Variants in FOSB observed in about 807,000 individuals in gnomAD.
FOSB encodes the protein protein FosB.
Under a neutral mutation model 31.1 loss-of-function variants are expected in FOSB, and 8 were observed. That is an observed-to-expected ratio of 0.26 (90% CI 0.15 to 0.46). FOSB has a LOEUF of 0.46. FOSB is among the 20% of genes least tolerant of loss of function. The pLI is 0.99. For missense variants in FOSB, 376 were observed against 460.6 expected, an observed-to-expected ratio of 0.82 and a Z score of 1.68; for synonymous variants, 214 against 206.1, an observed-to-expected ratio of 1.04 and a Z score of -0.33.
In FOSB at chr19:45,468,721, T is replaced by C; in HGVS notation, c.126+9T>C. On this transcript the variant is annotated intron_variant, in intron 1 of 3. Coordinates refer to ENST00000353609, the MANE Select transcript of FOSB (RefSeq NM_006732.3). This position sits in a 1 kb window ranked among gnomAD's most constrained non-coding sequence, Gnocchi z 4.8. ...CCGCCGCCGCCTCCCAGGTAAGTTT[T>C]TGATAGTAGGGGTGCTGCTTTGTAG... 1.2e-6 allele frequency: 2 copies of C among 1,601,226 alleles called. No homozygotes were observed. The highest frequency in any genetic ancestry group is 1.7e-6 in the Non-Finnish European group (2 of 1,176,312).
In FOSB at chr19:45,468,776, A is replaced by G; in HGVS notation, c.126+64A>G. 6.7e-7 allele frequency: 1 copy of G among 1,503,056 alleles called. No individual in the cohort carries two copies. Among genetic ancestry groups the G allele is most frequent in the South Asian group, 1.3e-5 (1 of 77,062 alleles). The allele number at this position is 1,503,056 out of a possible 1,614,324, so 93.1% of individuals were successfully genotyped here. A position where few individuals can be genotyped will look rare whatever the true frequency, so the allele number is the denominator to read the frequency against. On this transcript the variant is annotated intron_variant, in intron 1 of 3. Coordinates refer to ENST00000353609, the MANE Select transcript of FOSB (RefSeq NM_006732.3). This position sits in a 1 kb window ranked among gnomAD's most constrained non-coding sequence, Gnocchi z 4.8. ...TATTTTTTAAGTCAAGGGTGAAAAG[A>G]ATAAACCCCAACCCCCACAAAAAGG...
In FOSB at chr19:45,468,790, C is replaced by G; in HGVS notation, c.126+78C>G. 4 of 1,433,968 alleles carry G rather than the reference C, an allele frequency of 2.8e-6. No homozygotes were observed. The highest frequency in any genetic ancestry group is 3.7e-6 in the Non-Finnish European group (4 of 1,079,572). 88.8% of individuals were successfully genotyped at this position (1,433,968 alleles called of 1,614,324 possible). On this transcript the variant is annotated intron_variant, in intron 1 of 3. Transcript: ENST00000353609. The surrounding 1 kb of genome is among the most constrained non-coding windows in gnomAD (Gnocchi z 4.8). ...AGGGTGAAAAGAATAAACCCCAACC[C>G]CCACAAAAAGGCGCATCAGAACCCT...
chr19:45,470,793 C>T lies in FOSB; in HGVS notation c.291C>T (p.Tyr97=), dbSNP rs141764521. ...CCCAGCCCCCGGTCGTCGACCCCTACGACATGCCGGGAACCAGCTACTCCA... is the reference window on the plus strand; with the variant it reads ...CCCAGCCCCCGGTCGTCGACCCCTATGACATGCCGGGAACCAGCTACTCCA... The part of the protein sequence containing the change: ...LASQPPVVDP[Y]DMPGTSYSTP... The change falls in exon 2 of 4, where the codon TAC becomes TAT. Residue 97 remains tyrosine (Y), a synonymous_variant. Coordinates refer to ENST00000353609, the MANE Select transcript of FOSB (RefSeq NM_006732.3). 1.2e-6 allele frequency: 2 copies of T among 1,614,040 alleles called. No homozygotes were observed. Among genetic ancestry groups the T allele is most frequent in the Non-Finnish European group, 1.7e-6 (2 of 1,180,026 alleles).
Position 45,468,555 on chromosome 19 carries a change from G to A in FOSB, c.-32G>A. The A allele has an allele frequency of 6.3e-7, 1 of 1,584,260 alleles. No homozygotes were observed. The highest frequency in any genetic ancestry group is 8.6e-7 in the Non-Finnish European group (1 of 1,168,932). ...GCCTTGGCTTCCCGGCGACCTCAGCGTGGTCACAGGGGCCCCCCTGTGCCC... is the reference window on the plus strand; with the variant it reads ...GCCTTGGCTTCCCGGCGACCTCAGCATGGTCACAGGGGCCCCCCTGTGCCC... On this transcript the variant is annotated 5_prime_UTR_variant, in exon 1 of 4. The change creates a new upstream start codon in the 5' untranslated region. Transcript: ENST00000353609. This position sits in a 1 kb window ranked among gnomAD's most constrained non-coding sequence, Gnocchi z 4.8.
chr19:45,470,796 C>T lies in FOSB; in HGVS notation c.294C>T (p.Asp98=). The change falls in exon 2 of 4, where the codon GAC becomes GAT. Residue 98 remains aspartate (D), a synonymous_variant. Transcript: ENST00000353609. ...AGCCCCCGGTCGTCGACCCCTACGA[C>T]ATGCCGGGAACCAGCTACTCCACAC... ...ASQPPVVDPY[D]MPGTSYSTPG... The T allele has an allele frequency of 6.2e-7, 1 of 1,614,094 alleles. No individual in the cohort carries two copies. The highest frequency in any genetic ancestry group is 1.1e-5 in the South Asian group (1 of 91,080).
chr19:45,468,125 T>C lies in FOSB; in HGVS notation c.-462T>C, dbSNP rs1967485388. The C allele has an allele frequency of 6.5e-6, 1 of 153,360 alleles. No individual in the cohort carries two copies. The highest frequency in any genetic ancestry group is 2.4e-5 in the African/African-American group (1 of 41,452). The allele number at this position is 153,360 out of a possible 1,614,324, so 9.5% of individuals were successfully genotyped here. ...TTTTTTTTTCCGGGGAGAAAGTTTTTGGAAAGATTCTTCCAGATATTTCTT... is the reference window on the plus strand; with the variant it reads ...TTTTTTTTTCCGGGGAGAAAGTTTTCGGAAAGATTCTTCCAGATATTTCTT... On this transcript the variant is annotated 5_prime_UTR_variant, in exon 1 of 4. Coordinates refer to ENST00000353609, the MANE Select transcript of FOSB (RefSeq NM_006732.3). This position sits in a 1 kb window ranked among gnomAD's most constrained non-coding sequence, Gnocchi z 4.8.
In FOSB at chr19:45,471,278, G is replaced by C. The variant is rs961501873; in HGVS notation, c.532G>C (p.Glu178Gln). 5.8e-6 allele frequency: 9 copies of C among 1,564,900 alleles called. No homozygotes were observed. The highest frequency in any genetic ancestry group is 7.8e-6 in the Non-Finnish European group (9 of 1,154,354). The change falls in exon 3 of 4, where the codon GAG (glutamate) becomes CAG (glutamine). Residue 178 changes from glutamate to glutamine, a missense_variant. Around this residue, in one of 3 missense-constraint regions of FOSB, gnomAD observed 35 missense variants for 83.5 expected, o/e 0.42. Transcript: ENST00000353609. ...AGCTAAATGCAGGAACCGGCGGAGG[G>C]AGCTGACCGACCGACTCCAGGCGGT... ...AAAKCRNRRR[E>Q]LTDRLQAETD... is the part of the protein sequence containing the mutation.
At chr19:45,470,998 G>A (rs1967636050) in intron 2 of FOSB, 49 bp downstream of exon 2, 1 of 1,582,458 alleles carries the variant, frequency 6.3e-7, no homozygotes. Context: ...AAGCAAGAGA[G>A]GCAGGAAGTT....
At position 45,473,846 on chromosome 19, in the gene FOSB, T is replaced by C. The variant is rs1291165774; in HGVS notation, c.*834T>C. 1.3e-5 allele frequency: 2 copies of C among 152,706 alleles called. No homozygotes were observed. Among genetic ancestry groups the C allele is most frequent in the Non-Finnish European group, 2.9e-5 (2 of 68,182 alleles). The allele number at this position is 152,706 out of a possible 1,614,324, so 9.5% of individuals were successfully genotyped here. A position where few individuals can be genotyped will look rare whatever the true frequency, so the allele number is the denominator to read the frequency against. ...GGCCTTCCTCGTTGGGCCGCTCTGA[T>C]TTCAGGCAGCAGGGGCTGCTGTGAT... On this transcript the variant is annotated 3_prime_UTR_variant, in exon 4 of 4. Transcript: ENST00000353609.
In FOSB at chr19:45,473,131, C is replaced by T. The variant is rs569151414; in HGVS notation, c.*119C>T. 5 of 888,338 alleles carry T rather than the reference C, an allele frequency of 5.6e-6. No individual in the cohort carries two copies. In the South Asian group the frequency reaches 6.3e-5, roughly 11 times the overall value. 55.0% of individuals were successfully genotyped at this position (888,338 alleles called of 1,614,324 possible). ...CAAAGTGGGTGTGTGGCCTCCCTGG[C>T]TCCTCCGTCTGACCCTCTGCGGCCA... On this transcript the variant is annotated 3_prime_UTR_variant, in exon 4 of 4. Coordinates refer to ENST00000353609, the MANE Select transcript of FOSB (RefSeq NM_006732.3).
At position 45,472,783 on chromosome 19, in the gene FOSB, C is replaced by T. The variant is rs778997217; in HGVS notation, c.788C>T (p.Pro263Leu). 1 of 1,614,168 alleles carries T rather than the reference C, an allele frequency of 6.2e-7. No individual in the cohort carries two copies. Among genetic ancestry groups the T allele is most frequent in the South Asian group, 1.1e-5 (1 of 91,092 alleles). ...CTGCTGCCGCCCCCGCCACCACCGCCCCTGCCCTTCCAGACCAGCCAAGAC... is the reference window on the plus strand; with the variant it reads ...CTGCTGCCGCCCCCGCCACCACCGCTCCTGCCCTTCCAGACCAGCCAAGAC... ...SWLLPPPPPP[P>L]LPFQTSQDAP... is the part of the protein sequence containing the mutation. Residue 263 changes from proline to leucine, a missense_variant, in exon 4 of 4, where the codon CCC becomes CTC. Pro to Leu is a moderately conservative substitution (Grantham distance 98). Transcript: ENST00000353609. This position sits in a 1 kb window ranked among gnomAD's most constrained non-coding sequence, Gnocchi z 5.4.
chr19:45,471,559 A>G lies in FOSB; in HGVS notation c.555+258A>G, dbSNP rs1599890170. 3 of 340,026 alleles carry G rather than the reference A, an allele frequency of 8.8e-6. No individual in the cohort carries two copies. The East Asian group carries it at 1.4e-4, about 16-fold the overall frequency. 21.1% of individuals were successfully genotyped at this position (340,026 alleles called of 1,614,324 possible). On this transcript the variant is annotated intron_variant, in intron 3 of 3. Transcript: ENST00000353609. ...AGCCTTCATTTCATCCCAAGGGGCC[A>G]CATGGGGCCCTTGAGGAGAGGGGCG...
intron 2 of FOSB, 105 bp downstream of exon 2, chr19:45,471,054 A>G: frequency 1.5e-6 from 2 of 1,368,386 alleles, no homozygotes; most frequent in Non-Finnish European, 2.0e-6. Flanking sequence ...GTGTTACAGA[A>G]ACCCCAAGAT....
rs1967618513 is a variant in FOSB at position 45,470,657 on chromosome 19, G to C, written c.155G>C (p.Gly52Ala). 3 of 1,611,542 alleles carry C rather than the reference G, an allele frequency of 1.9e-6. No homozygotes were observed. The African/African-American group carries it at 4.0e-5, about 21-fold the overall frequency. ...QECAGLGEMPGSFVPTVTAIT... is the reference protein window; with the variant it reads ...QECAGLGEMPASFVPTVTAIT... ...TGCGCCGGTCTCGGGGAAATGCCCG[G>C]TTCCTTCGTGCCCACGGTCACCGCG... is the stretch of plus-strand genomic sequence containing the variant. Residue 52 changes from glycine (G) to alanine (A), a missense_variant, in exon 2 of 4, where the codon GGT (glycine) becomes GCT (alanine). This residue lies in a region of FOSB where 193 missense variants were observed against 207.1 expected (regional missense o/e 0.93). Coordinates refer to ENST00000353609, the MANE Select transcript of FOSB (RefSeq NM_006732.3).
chr19:45,469,299 C>T (rs2122139200), intron 1 of FOSB, among the ~76,000 whole-genome samples: 1 of 152,362 alleles, frequency 6.6e-6, no homozygotes, highest in African/African-American at 2.4e-5. Context: ...CGCGGCGCCC[C>T]CTTCGTCCGC....
At chr19:45,469,979 T>G (rs1331269296) in intron 1 of FOSB, 2 of 152,378 alleles carry the variant, frequency 1.3e-5, no homozygotes, top group African/African-American at 2.4e-5. Flanking sequence ...CCATTCCCCC[T>G]CCGCGACAAT....
rs1213711052 is a variant in FOSB at position 45,468,695 on chromosome 19, A to T, written c.109A>T (p.Thr37Ser). The T allele has an allele frequency of 1.9e-6, 3 of 1,607,332 alleles. No individual in the cohort carries two copies. The African/African-American group carries it at 4.0e-5, about 22-fold the overall frequency. Residue 37 changes from threonine (T) to serine (S), a missense_variant, in exon 1 of 4, where the codon ACC becomes TCC. By Grantham distance (58) the Thr-to-Ser change is moderately conservative (BLOSUM62 1). Transcript: ENST00000353609. The surrounding 1 kb of genome is among the most constrained non-coding windows in gnomAD (Gnocchi z 4.8). Reference sequence around the variant, plus strand: ...GGTGGACTCCTTCGGCAGTCCACCCACCGCCGCCGCCTCCCAGGTAAGTTT... The same window carrying T: ...GGTGGACTCCTTCGGCAGTCCACCCTCCGCCGCCGCCTCCCAGGTAAGTTT... ...SSVDSFGSPPTAAASQECAGL... is the reference protein window; with the variant it reads ...SSVDSFGSPPSAAASQECAGL...
At chr19:45,469,367 G>A (rs1022714174) in intron 1 of FOSB, among the ~76,000 whole-genome samples, 2 of 152,200 alleles carry the variant, frequency 1.3e-5, no homozygotes, top group African/African-American at 4.8e-5. Context: ...ACGTTGCTAA[G>A]GGAGGGGGCA....
Position 45,468,635 on chromosome 19 carries a change from T to G in FOSB, c.49T>G (p.Ser17Ala). ...GDYDSGSRCS[S>A]SPSAESQYLS... Reference sequence around the variant, plus strand: ...CTACGACTCCGGCTCCCGGTGCAGCTCCTCACCCTCTGCCGAGTCTCAATA... The same window carrying G: ...CTACGACTCCGGCTCCCGGTGCAGCGCCTCACCCTCTGCCGAGTCTCAATA... The change falls in exon 1 of 4, where the codon TCC becomes GCC. Residue 17 changes from serine (S) to alanine (A), a missense_variant. Physicochemically the swap from Ser to Ala is moderately conservative, Grantham distance 99. Coordinates refer to ENST00000353609, the MANE Select transcript of FOSB (RefSeq NM_006732.3). This position sits in a 1 kb window ranked among gnomAD's most constrained non-coding sequence, Gnocchi z 4.8. 3.1e-6 allele frequency: 5 copies of G among 1,613,416 alleles called. No individual in the cohort carries two copies. Among genetic ancestry groups the G allele is most frequent in the Non-Finnish European group, 4.2e-6 (5 of 1,179,808 alleles).
Sources: allele counts gnomAD v4.1 joint callset (sites outside exome capture counted in the v4.1 genomes callset), GRCh38; gene constraint gnomAD v4.1.1; regional missense constraint gnomAD v4.1.1; non-coding constraint Gnocchi (gnomAD v3.1); transcripts MANE v1.5; gene names NCBI Gene and HGNC (gene_info 2026-07-23, HGNC 2026-07-21).